HPSE2: variants seen among roughly 807,000 people sequenced by gnomAD.
HPSE2 encodes heparanase 2 (inactive).
HPSE2 carries 38 observed loss-of-function variants against 60.5 expected under a neutral mutation model. The observed-to-expected ratio is 0.63, with a 90% CI of 0.48 to 0.82. HPSE2 has a LOEUF of 0.82. HPSE2 is among the 40% of genes least tolerant of loss of function. The pLI, the probability that HPSE2 is intolerant of heterozygous loss-of-function variation, is 0.00. For synonymous variants in HPSE2, 295 were observed against 293.2 expected, an observed-to-expected ratio of 1.01 and a Z score of -0.06; for missense variants, 713 against 740.4, an observed-to-expected ratio of 0.96 and a Z score of 0.43.
At chr10:98,913,608 G>T (rs1420429884) in intron 3 of HPSE2, among the ~76,000 whole-genome samples, 3 of 152,072 alleles carry the variant, frequency 2.0e-5, no homozygotes, top group Non-Finnish European at 2.9e-5. Context: ...CCACTCAAAA[G>T]ACACTTCATT....
chr10:98,984,516 G>C (rs1363779857), intron 3 of HPSE2, among the ~76,000 whole-genome samples: 2 of 152,050 alleles, frequency 1.3e-5, no homozygotes, highest in Non-Finnish European at 2.9e-5. Flanking sequence ...AAAGACTAAA[G>C]GTAGATAAAA....
At chr10:99,215,093 TA>T (rs1321921947) in intron 2 of HPSE2, among the ~76,000 whole-genome samples, 1 of 152,152 alleles carries the variant, frequency 6.6e-6, no homozygotes, top group African/African-American at 2.4e-5. Context: ...ACTGGGTATA[TA>T]CCCAGAGGAA....
At position 99,128,491 on chromosome 10, in the gene HPSE2, C is replaced by T. The variant is rs373887434; in HGVS notation, c.610+15747G>A. Reference sequence around the variant, plus strand: ...GGTACAGAAGATACACCATGGAATACGATGCAGCCATAAAAAGGAATGAGA... The same window carrying T: ...GGTACAGAAGATACACCATGGAATATGATGCAGCCATAAAAAGGAATGAGA... On this transcript the variant is annotated intron_variant, in intron 3 of 11. Transcript: ENST00000370552. 1.8e-4 allele frequency among the ~76,000 whole-genome samples: 27 copies of T among 152,158 alleles called. No homozygotes were observed. In the East Asian group the frequency reaches 2.9e-3, roughly 16 times the overall value.
At chr10:98,568,119 G>A (rs917444527) in intron 9 of HPSE2, among the ~76,000 whole-genome samples, 1 of 152,156 alleles carries the variant, frequency 6.6e-6, no homozygotes, top group Non-Finnish European at 1.5e-5. Context: ...ACTTTCTACT[G>A]TGCCCTGATT....
At chr10:99,209,688 GTTGT>G (rs549236778) in intron 2 of HPSE2, among the ~76,000 whole-genome samples, 3 of 152,108 alleles carry the variant, frequency 2.0e-5, no homozygotes, top group Non-Finnish European at 2.9e-5. Context: ...ACAACTAAGA[GTTGT>G]TTGTTTGTTT....
chr10:99,040,676 TCTATAGTATAGTAA>T (rs544782991), intron 3 of HPSE2, among the ~76,000 whole-genome samples: 104 of 152,298 alleles, frequency 6.8e-4, no homozygotes, highest in African/African-American at 2.3e-3. Context: ...CTTCCACATC[TCTATAGTATAGTAA>T]CATCTCTATA....
chr10:98,525,338 C>A (rs1317470278), intron 9 of HPSE2, among the ~76,000 whole-genome samples: 1 of 152,164 alleles, frequency 6.6e-6, no homozygotes, highest in East Asian at 1.9e-4. Flanking sequence ...TGTAGAGGTC[C>A]CGCATTTCAT....
chr10:98,965,365 T>C (rs979090179), intron 3 of HPSE2, among the ~76,000 whole-genome samples: 3 of 152,094 alleles, frequency 2.0e-5, no homozygotes, highest in East Asian at 3.9e-4. Context: ...TGTGATCTTA[T>C]GAATGTCAAA....
chr10:98,595,630 G>A (rs1159375238), intron 9 of HPSE2, among the ~76,000 whole-genome samples: 1 of 151,936 alleles, frequency 6.6e-6, no homozygotes, highest in Non-Finnish European at 1.5e-5. Context: ...CCTTATATAA[G>A]ATCATGTCAT....
At chr10:98,842,768 G>A (rs955718379) in intron 3 of HPSE2, among the ~76,000 whole-genome samples, 7 of 152,060 alleles carry the variant, frequency 4.6e-5, no homozygotes, top group Admixed American at 4.6e-4. Flanking sequence ...TGTAAGTTTG[G>A]AAAACTGTAT....
At chr10:99,285,606 A>C in the HPSE2 span, among the ~76,000 whole-genome samples, 3 of 151,720 alleles carry the variant, frequency 2.0e-5, no homozygotes, top group African/African-American at 7.3e-5. Context: ...TGGGTGATGG[A>C]CTTGAATAGA....
At chr10:98,979,772 A>G (rs1956166063) in intron 3 of HPSE2, among the ~76,000 whole-genome samples, 1 of 152,188 alleles carries the variant, frequency 6.6e-6, no homozygotes. Flanking sequence ...TTTCTTATTG[A>G]TATGCTGTTT....
intron 3 of HPSE2, among the ~76,000 whole-genome samples, chr10:98,824,341 C>T (rs1426047576): frequency 6.6e-6 from 1 of 152,176 alleles, no homozygotes; most frequent in Non-Finnish European, 1.5e-5. Context: ...ACTGTGTGTT[C>T]ACTATGAAAA....
At chr10:98,720,167 TAAG>T (rs1243878815) in intron 5 of HPSE2, among the ~76,000 whole-genome samples, 1 of 151,834 alleles carries the variant, frequency 6.6e-6, no homozygotes, top group Non-Finnish European at 1.5e-5. Context: ...TGAGGGATAA[TAAG>T]AAATCAGAAA....
At chr10:98,526,417 G>A (rs983234358) in intron 9 of HPSE2, among the ~76,000 whole-genome samples, 1 of 152,154 alleles carries the variant, frequency 6.6e-6, no homozygotes, top group Non-Finnish European at 1.5e-5. Context: ...TCCGATGTAA[G>A]TTTCATTTTG....
chr10:99,003,166 T>A (rs1203981317), intron 3 of HPSE2, among the ~76,000 whole-genome samples: 1 of 152,154 alleles, frequency 6.6e-6, no homozygotes, highest in Non-Finnish European at 1.5e-5. Flanking sequence ...ATCCATGTTG[T>A]CACAAATGAC....
At chr10:99,292,441 C>A in the HPSE2 span, among the ~76,000 whole-genome samples, 36 of 152,248 alleles carry the variant, frequency 2.4e-4, no homozygotes, top group South Asian at 5.8e-3. Flanking sequence ...TATGATTGAA[C>A]AAGCATTCAG....
intron 3 of HPSE2, among the ~76,000 whole-genome samples, chr10:98,782,873 A>G (rs1195181649): frequency 4.4e-5 from 6 of 136,132 alleles, no homozygotes; most frequent in Non-Finnish European, 9.5e-5. Flanking sequence ...ATGAAGAGTT[A>G]GAATAATGGG....
At chr10:99,277,438 C>A in the HPSE2 span, among the ~76,000 whole-genome samples, 55 of 152,214 alleles carry the variant, frequency 3.6e-4, no homozygotes, top group African/African-American at 1.3e-3. Flanking sequence ...TAAAGCTGTT[C>A]AACAAAGATA....
Sources: allele counts gnomAD v4.1 joint callset (sites outside exome capture counted in the v4.1 genomes callset), GRCh38; gene constraint gnomAD v4.1.1; transcripts MANE v1.5; gene names NCBI Gene and HGNC (gene_info 2026-07-23, HGNC 2026-07-21).